Variants in PCSK2 observed in about 807,000 individuals in gnomAD.
PCSK2 encodes proprotein convertase subtilisin/kexin type 2.
In PCSK2, 14 loss-of-function variants were observed where a neutral mutation model predicts 69.7. The observed-to-expected ratio is 0.20, with a 90% CI of 0.13 to 0.31. PCSK2 has a LOEUF of 0.31. Among genes scored for constraint, PCSK2 ranks in the 10% least tolerant of loss-of-function variants. The pLI, the probability that PCSK2 is intolerant of heterozygous loss-of-function variation, is 1.00. For missense variants in PCSK2, 544 were observed against 842.5 expected (o/e 0.65, Z 4.39); for synonymous variants, 307 against 320.7 (o/e 0.96, Z 0.46).
chr20:17,335,295 C>T (rs372749731), intron 2 of PCSK2, among the ~76,000 whole-genome samples: 2 of 152,326 alleles, frequency 1.3e-5, no homozygotes, highest in South Asian at 4.1e-4. Context: ...AGGACCAAAG[C>T]TCAGCCTCTC....
At chr20:17,443,236 A>C (rs1473292894) in intron 8 of PCSK2, among the ~76,000 whole-genome samples, 2 of 152,226 alleles carry the variant, frequency 1.3e-5, no homozygotes, top group Non-Finnish European at 2.9e-5. Context: ...TTACAAGGTT[A>C]TGCCAGTCTG....
At chr20:17,250,130 A>G (rs1253759700) in intron 1 of PCSK2, among the ~76,000 whole-genome samples, 1 of 152,218 alleles carries the variant, frequency 6.6e-6, no homozygotes, top group Non-Finnish European at 1.5e-5. Context: ...GGAAATAAAC[A>G]TTGATATAAT....
At chr20:17,437,099 T>A (rs561974622) in intron 8 of PCSK2, among the ~76,000 whole-genome samples, 2 of 150,722 alleles carry the variant, frequency 1.3e-5, no homozygotes, top group Non-Finnish European at 3.0e-5. Context: ...ACGCGATGCC[T>A]ACCTGGCTCC....
intron 10 of PCSK2, among the ~76,000 whole-genome samples, chr20:17,460,396 C>T (rs949227417): frequency 1.3e-5 from 2 of 152,152 alleles, no homozygotes; most frequent in South Asian, 2.1e-4. Context: ...ACATGACCAC[C>T]GCCACACTTC....
chr20:17,288,072 G>A (rs1182076213), intron 2 of PCSK2, among the ~76,000 whole-genome samples: 1 of 152,184 alleles, frequency 6.6e-6, no homozygotes, highest in Non-Finnish European at 1.5e-5. Flanking sequence ...TCACACAGCT[G>A]TACATGCCCT....
intron 8 of PCSK2, among the ~76,000 whole-genome samples, chr20:17,443,098 T>C (rs1055468132): frequency 2.0e-5 from 3 of 152,188 alleles, no homozygotes; most frequent in African/African-American, 7.2e-5. Flanking sequence ...TCACCACTTT[T>C]ACATTAAATA....
At chr20:17,476,472 A>ATT (rs1051048963) in intron 11 of PCSK2, among the ~76,000 whole-genome samples, 9 of 152,240 alleles carry the variant, frequency 5.9e-5, no homozygotes, top group African/African-American at 2.2e-4. Context: ...CATACTAGAG[A>ATT]TTATATATAT....
chr20:17,377,578 A>C (rs2030964102), intron 5 of PCSK2, among the ~76,000 whole-genome samples: 1 of 152,270 alleles, frequency 6.6e-6, no homozygotes, highest in African/African-American at 2.4e-5. Context: ...ATGAATATTT[A>C]AATAAGCACA....
intron 5 of PCSK2, among the ~76,000 whole-genome samples, chr20:17,399,632 A>T (rs965756424): frequency 1.3e-5 from 2 of 152,146 alleles, no homozygotes; most frequent in Admixed American, 1.3e-4. Flanking sequence ...TCACTGGCAT[A>T]ATAAGGATTG....
chr20:17,241,483 C>G (rs1046997509), intron 1 of PCSK2, among the ~76,000 whole-genome samples: 3 of 152,158 alleles, frequency 2.0e-5, no homozygotes, highest in Admixed American at 2.0e-4. Flanking sequence ...AGAAGTTGAG[C>G]TAATAGTGAC....
intron 2 of PCSK2, among the ~76,000 whole-genome samples, chr20:17,343,669 C>G (rs6111515): frequency 6.6e-6 from 1 of 152,192 alleles, no homozygotes; most frequent in Admixed American, 6.5e-5. Context: ...GGAGATTATC[C>G]TGAATTATCT....
chr20:17,421,143 G>C (rs950191808), intron 6 of PCSK2, among the ~76,000 whole-genome samples: 4 of 152,184 alleles, frequency 2.6e-5, no homozygotes, highest in African/African-American at 9.7e-5. Context: ...CTGTGTTTCT[G>C]CATTGCTGAT....
chr20:17,400,544 A>G (rs1043002505), intron 5 of PCSK2, among the ~76,000 whole-genome samples: 4 of 152,196 alleles, frequency 2.6e-5, no homozygotes, highest in Admixed American at 2.6e-4. Context: ...CGCACTCCAT[A>G]TGTGCTACCT....
intron 1 of PCSK2, among the ~76,000 whole-genome samples, chr20:17,245,319 A>C (rs1986729268): frequency 6.6e-6 from 1 of 152,220 alleles, no homozygotes; most frequent in Non-Finnish European, 1.5e-5. Context: ...TCTGTGTGGA[A>C]TTTAATAGGG....
At chr20:17,321,038 T>G (rs939301337) in intron 2 of PCSK2, among the ~76,000 whole-genome samples, 11 of 152,234 alleles carry the variant, frequency 7.2e-5, no homozygotes, top group African/African-American at 2.7e-4. Flanking sequence ...TTCTGTTGAC[T>G]GGTTGGGTTA....
At chr20:17,402,338 G>A (rs981579687) in intron 5 of PCSK2, among the ~76,000 whole-genome samples, 3 of 152,232 alleles carry the variant, frequency 2.0e-5, no homozygotes, top group Non-Finnish European at 2.9e-5. Flanking sequence ...TGATAATGGT[G>A]GCAATGAGGG....
intron 2 of PCSK2, among the ~76,000 whole-genome samples, chr20:17,349,377 A>G (rs1344746468): frequency 1.3e-5 from 2 of 152,210 alleles, no homozygotes; most frequent in Non-Finnish European, 2.9e-5. Context: ...ATCCATCTCA[A>G]TTCTTACCAG....
intron 6 of PCSK2, among the ~76,000 whole-genome samples, chr20:17,427,715 T>C (rs771036121): frequency 2.0e-5 from 3 of 152,216 alleles, no homozygotes; most frequent in Non-Finnish European, 4.4e-5. Flanking sequence ...AGCTCACCCT[T>C]GTCTCCCTGG....
chr20:17,456,708 T>TTA (rs2032930315), intron 10 of PCSK2, among the ~76,000 whole-genome samples: 1 of 152,194 alleles, frequency 6.6e-6, no homozygotes, highest in South Asian at 2.1e-4. Flanking sequence ...TATTAGCAAC[T>TTA]TACTCAGATA....
Sources: allele counts gnomAD v4.1 joint callset (sites outside exome capture counted in the v4.1 genomes callset), GRCh38; gene constraint gnomAD v4.1.1; transcripts MANE v1.5; gene names NCBI Gene and HGNC (gene_info 2026-07-23, HGNC 2026-07-21).